CCR9: variants seen among roughly 807,000 people sequenced by gnomAD.
The protein encoded by CCR9 is C-C motif chemokine receptor 9, also known as C-C chemokine receptor type 9.
A neutral mutation model predicts 8.7 loss-of-function variants in CCR9; 4 were observed. That is an observed-to-expected ratio of 0.46 (90% CI 0.23 to 1.06). The LOEUF (loss-of-function observed/expected upper bound fraction) is 1.06. Ranked by LOEUF, CCR9 falls within the 50% of genes least tolerant of loss-of-function variation. The probability of loss-of-function intolerance (pLI) is 0.21; values close to 1 mark genes in which losing one functional copy is unlikely to be tolerated. For missense variants in CCR9, 394 were observed against 453.6 expected, an observed-to-expected ratio of 0.87 and a Z score of 1.19; for synonymous variants, 159 against 168.8, an observed-to-expected ratio of 0.94 and a Z score of 0.45.
At chr3:45,890,490 C>A (rs9862611) in intron 1 of CCR9, among the ~76,000 whole-genome samples, 1 of 147,376 alleles carries the variant, frequency 6.8e-6, no homozygotes, top group African/African-American at 2.5e-5. Context: ...TCATCTGGGG[C>A]AAAAAAAAGA....
chr3:45,893,142 C>CCT (rs1050098172), intron 1 of CCR9, among the ~76,000 whole-genome samples: 6 of 151,132 alleles, frequency 4.0e-5, no homozygotes, highest in African/African-American at 1.2e-4. Context: ...ACTCCCCTTC[C>CCT]CTCTCTCTCT....
intron 2 of CCR9, among the ~76,000 whole-genome samples, chr3:45,899,439 C>T (rs1395861989): frequency 2.6e-5 from 4 of 152,146 alleles, no homozygotes. Flanking sequence ...TACACAAAAT[C>T]ATCTTTGTAC....
At chr3:45,895,215 C>T in intron 2 of CCR9, 1 of 530,936 alleles carries the variant, frequency 1.9e-6, no homozygotes, top group South Asian at 2.7e-5. Context: ...GGATTTTTAA[C>T]CATCTTTAAC....
intron 2 of CCR9, among the ~76,000 whole-genome samples, chr3:45,895,381 T>C (rs1208126277): frequency 2.0e-5 from 3 of 152,220 alleles, no homozygotes; most frequent in Admixed American, 1.3e-4. Context: ...CGTAACAGTA[T>C]ACATTCCCCT....
chr3:45,895,109 T>C, intron 2 of CCR9, 155 bp downstream of exon 2: 1 of 801,582 alleles, frequency 1.2e-6, no homozygotes, highest in South Asian at 1.5e-5. Flanking sequence ...GGGTAGGTTG[T>C]TGTCCAGCAC....
In CCR9 at chr3:45,901,892, C is replaced by T. The variant is rs1702573161; in HGVS notation, c.1104C>T (p.Ser368=). The T allele has an allele frequency of 6.3e-7, 1 of 1,590,038 alleles. No individual in the cohort carries two copies. Among genetic ancestry groups the T allele is most frequent in the Non-Finnish European group, 8.6e-7 (1 of 1,165,508 alleles). ...MLLETTSGAL[S]L is the part of the protein sequence containing the mutation. ...TGGAGACAACCTCAGGAGCACTCTC[C>T]CTCTGAGGGGTCTTCTCTGAGGTGC... Residue 368 remains serine, a synonymous_variant, in exon 3 of 3, where the codon TCC becomes TCT. Transcript: ENST00000357632. This position sits in a 1 kb window ranked among gnomAD's most constrained non-coding sequence, Gnocchi z 4.3.
At chr3:45,897,509 G>A in intron 2 of CCR9, 1 of 1,225,090 alleles carries the variant, frequency 8.2e-7, no homozygotes, top group South Asian at 1.3e-5. Context: ...AGAAAGCTGG[G>A]TCACCCAGGT....
At chr3:45,892,202 GTCTA>G (rs899144863) in intron 1 of CCR9, among the ~76,000 whole-genome samples, 50 of 152,202 alleles carry the variant, frequency 3.3e-4, no homozygotes, top group East Asian at 9.7e-4. Context: ...TATACAAATT[GTCTA>G]TCTATCTATC....
At position 45,900,806 on chromosome 3, in the gene CCR9, G is replaced by A. The variant is rs369494896; in HGVS notation, c.22-4G>A. The A allele has an allele frequency of 6.2e-7, 1 of 1,605,238 alleles. No homozygotes were observed. The highest frequency in any genetic ancestry group is 8.5e-7 in the Non-Finnish European group (1 of 1,174,144). ...ACCTAATGCCATCTTGTGTCCCCTT[G>A]CAGAGCCCTATTCCTAACATGGCTG... is the stretch of plus-strand genomic sequence containing the variant. On this transcript the variant is annotated splice_region_variant and splice_polypyrimidine_tract_variant and intron_variant, in intron 2 of 2. Coordinates refer to ENST00000357632, the MANE Select transcript of CCR9 (RefSeq NM_031200.3). The surrounding 1 kb of genome is among the most constrained non-coding windows in gnomAD (Gnocchi z 4.7).
At chr3:45,895,791 G>T (rs929979208) in intron 2 of CCR9, among the ~76,000 whole-genome samples, 1 of 151,374 alleles carries the variant, frequency 6.6e-6, no homozygotes, top group Non-Finnish European at 1.5e-5. Context: ...ATGTAATTAA[G>T]TGTAGAATCA....
intron 2 of CCR9, among the ~76,000 whole-genome samples, chr3:45,899,919 G>C (rs776578878): frequency 6.6e-6 from 1 of 152,120 alleles, no homozygotes. Flanking sequence ...TGTAAGAAGT[G>C]TGTGTGTGTA....
At position 45,900,790 on chromosome 3, in the gene CCR9, C is replaced by T; in HGVS notation, c.22-20C>T. 1 of 1,594,324 alleles carries T rather than the reference C, an allele frequency of 6.3e-7. No homozygotes were observed. The highest frequency in any genetic ancestry group is 8.6e-7 in the Non-Finnish European group (1 of 1,168,420). ...CAAAATATTTTCCTTGACCTAATGC[C>T]ATCTTGTGTCCCCTTGCAGAGCCCT... On this transcript the variant is annotated intron_variant, in intron 2 of 2. Transcript: ENST00000357632. This position sits in a 1 kb window ranked among gnomAD's most constrained non-coding sequence, Gnocchi z 4.7.
At chr3:45,898,698 C>T (rs1011006487) in intron 2 of CCR9, among the ~76,000 whole-genome samples, 2 of 152,256 alleles carry the variant, frequency 1.3e-5, no homozygotes, top group Admixed American at 6.5e-5. Context: ...ATAGGACTAA[C>T]ATCTACTGTC....
Position 45,901,685 on chromosome 3 carries a change from C to T in CCR9, c.897C>T (p.Phe299=). The change falls in exon 3 of 3, where the codon TTC becomes TTT. Residue 299 remains phenylalanine (F), a synonymous_variant. Coordinates refer to ENST00000357632, the MANE Select transcript of CCR9 (RefSeq NM_031200.3). This position sits in a 1 kb window ranked among gnomAD's most constrained non-coding sequence, Gnocchi z 4.3. ...TTTCCACCAACATTGACATCTGCTT[C>T]CAGGTCACCCAGACCATCGCCTTCT... The part of the protein sequence containing the change: ...CAVSTNIDIC[F]QVTQTIAFFH... 1 of 1,614,064 alleles carries T rather than the reference C, an allele frequency of 6.2e-7. No individual in the cohort carries two copies. The highest frequency in any genetic ancestry group is 8.5e-7 in the Non-Finnish European group (1 of 1,179,884).
rs779131054 is a variant in CCR9 at position 45,900,855 on chromosome 3, T to A, written c.67T>A (p.Ser23Thr). The A allele has an allele frequency of 1.2e-6, 2 of 1,614,092 alleles. No individual in the cohort carries two copies. Among genetic ancestry groups the A allele is most frequent in the Admixed American group, 1.7e-5 (1 of 60,028 alleles). Residue 23 changes from serine (S) to threonine (T), a missense_variant, in exon 3 of 3, where the codon TCT (serine) becomes ACT (threonine). By Grantham distance (58) the Ser-to-Thr change is moderately conservative (BLOSUM62 1). Coordinates refer to ENST00000357632, the MANE Select transcript of CCR9 (RefSeq NM_031200.3). This position sits in a 1 kb window ranked among gnomAD's most constrained non-coding sequence, Gnocchi z 4.7. ...TGATGACTATGGCTCTGAATCCACA[T>A]CTTCCATGGAAGACTACGTTAACTT... ...MADDYGSEST[S>T]SMEDYVNFNF...
At chr3:45,897,329 G>T in intron 2 of CCR9, among the ~76,000 whole-genome samples, 1 of 152,156 alleles carries the variant, frequency 6.6e-6, no homozygotes, top group Non-Finnish European at 1.5e-5. Flanking sequence ...TAAAAAATAT[G>T]CCTGGGGAGT....
In CCR9 at chr3:45,890,084, G is replaced by A. The variant is rs145883966; in HGVS notation, c.-29+3429G>A. The stretch of plus-strand genomic sequence containing the variant: ...TTTTTTCCAAACTCTTACCAATGTC[G>A]TTACCATCTATTGCTATTTCCAATC... On this transcript the variant is annotated intron_variant, in intron 1 of 2. Transcript: ENST00000357632. Among the ~76,000 whole-genome samples, 408 of 149,478 alleles carry A rather than the reference G, an allele frequency of 2.7e-3. 1 individual carries two copies. The highest frequency in any genetic ancestry group is 9.6e-3 in the African/African-American group (388 of 40,560).
chr3:45,890,335 A>ATAT lies in CCR9; in HGVS notation c.-29+3680_-29+3681insTAT, dbSNP rs1553616543. ...TATATATTTATATAAATATATATAT[A>ATAT]ACATATATATATAACATATATATAT... On this transcript the variant is annotated intron_variant, in intron 1 of 2. Transcript: ENST00000357632. Among the ~76,000 whole-genome samples the ATAT allele has an allele frequency of 4.2e-4, 26 of 61,746 alleles. 3 individuals carry two copies. In the South Asian group the frequency reaches 6.0e-3, roughly 14 times the overall value. The allele number at this position is 61,746 out of a possible 152,430, so 40.5% of individuals were successfully genotyped here.
intron 2 of CCR9, among the ~76,000 whole-genome samples, chr3:45,896,239 G>C (rs1245053884): frequency 6.6e-6 from 1 of 152,220 alleles, no homozygotes; most frequent in Non-Finnish European, 1.5e-5. Flanking sequence ...GGCTGCTTCT[G>C]AGCTTGCCAG....
Sources: allele counts gnomAD v4.1 joint callset (sites outside exome capture counted in the v4.1 genomes callset), GRCh38; gene constraint gnomAD v4.1.1; non-coding constraint Gnocchi (gnomAD v3.1); transcripts MANE v1.5; gene names NCBI Gene and HGNC (gene_info 2026-07-23, HGNC 2026-07-21).